CIDEB: variants seen among roughly 807,000 people sequenced by gnomAD.
CIDEB encodes the protein cell death inducing DFFA like effector b.
A neutral mutation model predicts 22.4 loss-of-function variants in CIDEB; 27 were observed. The ratio of observed to expected loss-of-function variants is 1.21; its 90% CI spans 0.89 to 1.66. The LOEUF is 1.66. CIDEB is among the 40% of genes most tolerant of loss of function. The pLI, the probability that CIDEB is intolerant of heterozygous loss-of-function variation, is 0.00. For missense variants in CIDEB, 289 were observed against 268.7 expected, an observed-to-expected ratio of 1.08 and a Z score of -0.53; for synonymous variants, 103 against 109.5, an observed-to-expected ratio of 0.94 and a Z score of 0.37.
chr14:24,310,513 G>C, upstream of CIDEB: 1 of 841,528 alleles, frequency 1.2e-6, no homozygotes, highest in Admixed American at 2.0e-5. Flanking sequence ...CTGGGTCCTC[G>C]TGGAAGTCAG....
In CIDEB at chr14:24,306,010, G is replaced by A; in HGVS notation, c.464C>T (p.Thr155Ile). 1 of 1,614,168 alleles carries A rather than the reference G, an allele frequency of 6.2e-7. No homozygotes were observed. The highest frequency in any genetic ancestry group is 8.5e-7 in the Non-Finnish European group (1 of 1,180,016). ...ACTCATAGAGTAGAGCCCGTAGAAT[G>A]TGGCTTTGACATTCAGGCTGCCAAA... The part of the protein sequence containing the change: ...DLFGSLNVKA[T>I]FYGLYSMSCD... The change falls in exon 4 of 5, where the codon ACA (threonine) becomes ATA (isoleucine). Residue 155 changes from threonine (T) to isoleucine (I), a missense_variant. Transcript: ENST00000554411.
Position 24,307,407 on chromosome 14 carries a change from GCC to G in CIDEB, c.148_149del (p.Gly50ProfsTer37), listed in dbSNP as rs754899261. 9.3e-6 allele frequency: 15 copies of G among 1,613,810 alleles called. No individual in the cohort carries two copies. Among genetic ancestry groups the G allele is most frequent in the Non-Finnish European group, 1.3e-5 (15 of 1,179,906 alleles). On this transcript the variant is annotated frameshift_variant, in exon 2 of 5. Coordinates refer to ENST00000554411, the MANE Select transcript of CIDEB (RefSeq NM_001393339.1). LOFTEE classifies it high-confidence loss of function. Reference sequence around the variant, plus strand: ...GCTCCTGGCGGGTGGCAGCTGTCAGGCCTTTCCGGATGGTCCGCTTGTGATCA... The same window carrying G: ...GCTCCTGGCGGGTGGCAGCTGTCAGGTTTCCGGATGGTCCGCTTGTGATCA... ...VCDHKRTIRK[G>X]LTAATRQELL...
upstream of CIDEB, chr14:24,311,225 G>T: frequency 1.2e-6 from 2 of 1,609,108 alleles, no homozygotes; most frequent in South Asian, 1.1e-5. Context: ...TGGAGACTCT[G>T]ACCGCTTTCG....
At chr14:24,310,818 CG>C (rs772596370), upstream of CIDEB, 9 of 1,594,484 alleles carry the variant, frequency 5.6e-6, no homozygotes, top group Non-Finnish European at 7.7e-6. Context: ...GCGGCCTGCA[CG>C]GGGGCGACCG....
Position 24,307,947 on chromosome 14 carries a change from C to T in CIDEB, c.-89G>A, listed in dbSNP as rs1452481537. On this transcript the variant is annotated 5_prime_UTR_variant, in exon 1 of 5. Transcript: ENST00000554411. ...TTTAGTGGTGTTTTCTGTTACAAACCTGGGATCTCAGCCCAGGACAAGGTG... is the reference window on the plus strand; with the variant it reads ...TTTAGTGGTGTTTTCTGTTACAAACTTGGGATCTCAGCCCAGGACAAGGTG... 9.0e-6 allele frequency: 11 copies of T among 1,226,194 alleles called. No individual in the cohort carries two copies. Among genetic ancestry groups the T allele is most frequent in the Middle Eastern group, 1.9e-4 (1 of 5,328 alleles). The allele number at this position is 1,226,194 out of a possible 1,614,324, so 76.0% of individuals were successfully genotyped here. A position where few individuals can be genotyped will look rare whatever the true frequency, so the allele number is the denominator to read the frequency against.
chr14:24,311,384 C>T (rs776230450), upstream of CIDEB: 2 of 1,602,970 alleles, frequency 1.2e-6, no homozygotes, highest in African/African-American at 2.7e-5. Flanking sequence ...GGGCCCCCTA[C>T]CACGCAGTCA....
At chr14:24,309,437 C>T (rs2516564), upstream of CIDEB, 27,988 of 152,200 alleles carry the variant, frequency 0.18, 2,932 homozygotes, top group Admixed American at 0.29. Context: ...CCTTTCTTTT[C>T]CCTTCCCCCA....
rs377687126 is a variant in CIDEB at position 24,307,470 on chromosome 14, G to C, written c.87C>G (p.Thr29=). ...AAGGTCGCTGGGGTGGTGGAGCTGA[G>C]GTCCAGACCCTCCGTCCAAACTCCG... ...ISSEFGRRVW[T]SAPPPQRPFR... The change falls in exon 2 of 5, where the codon ACC becomes ACG. Residue 29 remains threonine, a synonymous_variant. Coordinates refer to ENST00000554411, the MANE Select transcript of CIDEB (RefSeq NM_001393339.1). The C allele has an allele frequency of 1.9e-4, 310 of 1,614,098 alleles. 6 individuals carry two copies. The South Asian group carries it at 3.2e-3, about 17-fold the overall frequency.
upstream of CIDEB, chr14:24,310,809 C>T (rs369799976): frequency 8.8e-6 from 14 of 1,596,568 alleles, no homozygotes; most frequent in African/African-American, 1.3e-4. Context: ...GGCGGGCTGG[C>T]GGCCTGCACG....
At chr14:24,309,707 G>T (rs1276758677), upstream of CIDEB, 1 of 152,550 alleles carries the variant, frequency 6.6e-6, no homozygotes, top group African/African-American at 2.4e-5. Context: ...TGACAGCCCG[G>T]TGAGAGCCCT....
Position 24,306,512 on chromosome 14 carries a change from G to A in CIDEB, c.198C>T (p.Thr66=), listed in dbSNP as rs2041512493. Residue 66 remains threonine (T), a synonymous_variant, in exon 3 of 5, where the codon ACC becomes ACT. Coordinates refer to ENST00000554411, the MANE Select transcript of CIDEB (RefSeq NM_001393339.1). The part of the protein sequence containing the change: ...RQELLAKALE[T]LLLNGVLTLV... The stretch of plus-strand genomic sequence containing the variant: ...GGGTTAGCACTCCATTCAGCAGTAG[G>A]GTCTCCAATGCCTGCCCAATGGCAA... 6.2e-7 allele frequency: 1 copy of A among 1,614,204 alleles called. No homozygotes were observed. The highest frequency in any genetic ancestry group is 8.5e-7 in the Non-Finnish European group (1 of 1,180,034).
chr14:24,310,197 C>T, upstream of CIDEB: 1 of 388,362 alleles, frequency 2.6e-6, no homozygotes, highest in South Asian at 2.8e-5. Context: ...GGCACCTCGC[C>T]TACTGCTGCT....
Position 24,306,476 on chromosome 14 carries a change from C to T in CIDEB, c.234G>A (p.Glu78=), listed in dbSNP as rs2041511441. The T allele has an allele frequency of 6.2e-7, 1 of 1,614,246 alleles. No homozygotes were observed. The highest frequency in any genetic ancestry group is 8.5e-7 in the Non-Finnish European group (1 of 1,180,038). The change falls in exon 3 of 5, where the codon GAG becomes GAA. Residue 78 remains glutamate (E), a synonymous_variant. Coordinates refer to ENST00000554411, the MANE Select transcript of CIDEB (RefSeq NM_001393339.1). ...LLNGVLTLVL[E]EDGTAVDSED... ...CACTGTCCACTGCAGTTCCATCCTC[C>T]TCTAGCACCAGGGTTAGCACTCCAT...
rs535979928 is a variant in CIDEB, at chr14:24,307,966, C to G, written c.-108G>C. ...ACAAACCTGGGATCTCAGCCCAGGA[C>G]AAGGTGGGAATGAGTCAAGCCTGGA... On this transcript the variant is annotated 5_prime_UTR_variant, in exon 1 of 5. Coordinates refer to ENST00000554411, the MANE Select transcript of CIDEB (RefSeq NM_001393339.1). The G allele has an allele frequency of 1.9e-3, 2,007 of 1,056,908 alleles. 4 individuals carry two copies. The highest frequency in any genetic ancestry group is 2.9e-3 in the Middle Eastern group (14 of 4,804). The allele number at this position is 1,056,908 out of a possible 1,614,324, so 65.5% of individuals were successfully genotyped here.
upstream of CIDEB, chr14:24,308,074 A>C: frequency 1.7e-6 from 1 of 593,716 alleles, no homozygotes; most frequent in Non-Finnish European, 3.0e-6. Context: ...TCCTGGAGGA[A>C]GAATTGCCTG....
At chr14:24,309,547 ATCCTT>A (rs2041622315), upstream of CIDEB, 1 of 152,160 alleles carries the variant, frequency 6.6e-6, no homozygotes, top group African/African-American at 2.4e-5. Context: ...GTCCCTACTC[ATCCTT>A]TCCTTTCTTG....
chr14:24,311,291 G>A, upstream of CIDEB: 1 of 1,590,100 alleles, frequency 6.3e-7, no homozygotes, highest in South Asian at 1.1e-5. Flanking sequence ...CACGGCTGCG[G>A]GGCGCCCGCT....
chr14:24,310,507 G>T, upstream of CIDEB: 1 of 808,056 alleles, frequency 1.2e-6, no homozygotes. Context: ...TGGGGTCTGG[G>T]TCCTCGTGGA....
rs754893094 is a variant in CIDEB, at chr14:24,306,417, C to T, written c.293G>A (p.Cys98Tyr). The part of the protein sequence containing the change: ...DFFQLLEDDT[C>Y]LMVLQSGQSW... ...CTGACCAGACTGCAACACCATCAGG[C>T]ACGTGTCATCCTCCAGCAGCTGGAA... The change falls in exon 3 of 5, where the codon TGC (cysteine) becomes TAC (tyrosine). Residue 98 changes from cysteine to tyrosine, a missense_variant. Physicochemically the swap from Cys to Tyr is radical, Grantham distance 194 (BLOSUM62 -2). Transcript: ENST00000554411. 2.2e-5 allele frequency: 36 copies of T among 1,614,136 alleles called. No homozygotes were observed. The highest frequency in any genetic ancestry group is 3.0e-5 in the Non-Finnish European group (35 of 1,180,060).
Sources: gnomAD v4.1 joint callset for allele counts on GRCh38, gnomAD v4.1.1 for gene constraint, MANE v1.5 for transcripts, NCBI Gene and HGNC (gene_info 2026-07-23, HGNC 2026-07-21) for gene names.